The following XRCC4 variants were observed in gnomAD, a reference collection of about 807,000 sequenced individuals.
The protein encoded by XRCC4 is X-ray repair cross complementing 4.
XRCC4 carries 28 observed loss-of-function variants against 39.1 expected under a neutral mutation model. The observed-to-expected ratio is 0.72, with a 90% CI of 0.53 to 0.98. The LOEUF is 0.98. XRCC4 is among the 50% of genes least tolerant of loss of function. The pLI, the probability that XRCC4 is intolerant of heterozygous loss-of-function variation, is 0.00. For missense variants in XRCC4, 350 were observed against 376.4 expected, an observed-to-expected ratio of 0.93 and a Z score of 0.58; for synonymous variants, 123 against 126.4, an observed-to-expected ratio of 0.97 and a Z score of 0.18.
intron 7 of XRCC4, among the ~76,000 whole-genome samples, chr5:83,288,009 A>G (rs1208978062): frequency 6.6e-6 from 1 of 151,730 alleles, no homozygotes; most frequent in African/African-American, 2.4e-5. Context: ...CATGTACTTC[A>G]AAGTGTTGAG....
At chr5:83,095,791 C>T (rs1000779901) in intron 1 of XRCC4, among the ~76,000 whole-genome samples, 3 of 152,046 alleles carry the variant, frequency 2.0e-5, no homozygotes, top group Non-Finnish European at 4.4e-5. Flanking sequence ...GGAGCAGAGA[C>T]TGGGCCCCTT....
chr5:83,083,049 T>C (rs1745024674), intron 1 of XRCC4, among the ~76,000 whole-genome samples: 1 of 152,194 alleles, frequency 6.6e-6, no homozygotes, highest in Non-Finnish European at 1.5e-5. Context: ...GTTGTTCAAA[T>C]GTCACCTTTG....
chr5:83,299,928 T>C (rs1006850083), intron 7 of XRCC4, among the ~76,000 whole-genome samples: 17 of 152,204 alleles, frequency 1.1e-4, no homozygotes, highest in African/African-American at 4.1e-4. Flanking sequence ...CTTTGCCTCT[T>C]TATGAGTGAA....
At position 83,308,986 on chromosome 5, in the gene XRCC4, A is replaced by T. The variant is rs1266025823; in HGVS notation, c.894-44145A>T. Among the ~76,000 whole-genome samples the T allele has an allele frequency of 2.0e-5, 3 of 152,028 alleles. No homozygotes were observed. In the East Asian group the frequency reaches 5.8e-4, roughly 29 times the overall value. ...ATCCTTAGAGAATATCATCCATAGA[A>T]ATATAATTTGCAGCCCAGCACGGTG... On this transcript the variant is annotated intron_variant, in intron 7 of 7. Transcript: ENST00000396027.
At chr5:83,174,919 G>A (rs979799081) in intron 3 of XRCC4, among the ~76,000 whole-genome samples, 3 of 152,230 alleles carry the variant, frequency 2.0e-5, no homozygotes, top group Non-Finnish European at 4.4e-5. Context: ...CAATATATTA[G>A]CATTGTAGGC....
chr5:83,349,120 A>C (rs1455776493), intron 7 of XRCC4, among the ~76,000 whole-genome samples: 1 of 152,030 alleles, frequency 6.6e-6, no homozygotes, highest in Non-Finnish European at 1.5e-5. Flanking sequence ...ACCTCTACTT[A>C]TTACCCAGTT....
chr5:83,265,687 C>G (rs183598486), intron 7 of XRCC4, among the ~76,000 whole-genome samples: 107 of 151,984 alleles, frequency 7.0e-4, no homozygotes, highest in African/African-American at 2.5e-3. Flanking sequence ...AGGACAAAAA[C>G]TTTTTTTTAA....
chr5:83,169,106 ATT>A (rs1230960091), intron 3 of XRCC4, among the ~76,000 whole-genome samples: 19 of 152,220 alleles, frequency 1.2e-4, no homozygotes, highest in Admixed American at 6.5e-4. Flanking sequence ...TAGAGTTAAA[ATT>A]TGCCAAATCT....
intron 2 of XRCC4, among the ~76,000 whole-genome samples, chr5:83,110,775 T>C (rs1746404121): frequency 1.3e-5 from 2 of 152,088 alleles, no homozygotes; most frequent in Non-Finnish European, 2.9e-5. Context: ...ATGCGTTTCA[T>C]CTGAAGACAG....
chr5:83,307,025 C>T (rs387002), intron 7 of XRCC4, among the ~76,000 whole-genome samples: 124,549 of 151,642 alleles, frequency 0.82, 51,396 homozygotes, highest in Non-Finnish European at 0.86. Context: ...GCCTCTACTA[C>T]GCCAGAGTAA....
intron 7 of XRCC4, among the ~76,000 whole-genome samples, chr5:83,300,329 G>A (rs1755235094): frequency 6.6e-6 from 1 of 152,012 alleles, no homozygotes; most frequent in African/African-American, 2.4e-5. Context: ...GTGTATGTAT[G>A]TTCTCTTTCT....
At chr5:83,238,944 A>G (rs2112839925) in intron 6 of XRCC4, among the ~76,000 whole-genome samples, 1 of 152,348 alleles carries the variant, frequency 6.6e-6, no homozygotes, top group South Asian at 2.1e-4. Context: ...GCAGCTCTGA[A>G]GTAGGCTGGT....
Position 83,195,925 on chromosome 5 carries a change from T to C in XRCC4, c.471T>C (p.Asp157=), listed in dbSNP as rs1362886405. The C allele has an allele frequency of 6.8e-6, 11 of 1,609,168 alleles. No individual in the cohort carries two copies. The highest frequency in any genetic ancestry group is 8.5e-6 in the Non-Finnish European group (10 of 1,177,640). The change falls in exon 4 of 8, where the codon GAT becomes GAC. Residue 157 remains aspartate (D), a synonymous_variant. Coordinates refer to ENST00000396027, the MANE Select transcript of XRCC4 (RefSeq NM_003401.5). ...AAAGGCTTCTGAGAGATTGGAATGA[T>C]GTTCAAGGACGGTGTGTACACAGTT... ...ENERLLRDWN[D]VQGRFEKCVS... is the part of the protein sequence containing the mutation.
chr5:83,094,332 C>T (rs1054849923), intron 1 of XRCC4, among the ~76,000 whole-genome samples: 1 of 130,894 alleles, frequency 7.6e-6, no homozygotes, highest in Non-Finnish European at 1.7e-5. Flanking sequence ...CCTCTCCTCC[C>T]CTTCCCTCCG....
rs28360208 is a variant in XRCC4, at chr5:83,241,434, G to T, written c.746-17096G>T. 5.9e-5 allele frequency among the ~76,000 whole-genome samples: 9 copies of T among 152,128 alleles called. No individual in the cohort carries two copies. The East Asian group carries it at 1.7e-3, about 29-fold the overall frequency. ...TGTGTAATGAATATAATATACAAGTGAATTAATTCTGTTAAATAAAATAGT... is the reference window on the plus strand; with the variant it reads ...TGTGTAATGAATATAATATACAAGTTAATTAATTCTGTTAAATAAAATAGT... On this transcript the variant is annotated intron_variant, in intron 6 of 7. Transcript: ENST00000396027.
intron 6 of XRCC4, among the ~76,000 whole-genome samples, chr5:83,223,157 G>C (rs899474873): frequency 1.3e-5 from 2 of 152,152 alleles, no homozygotes; most frequent in African/African-American, 2.4e-5. Context: ...TTCTGCAGCT[G>C]TTGGGTGAAA....
chr5:83,291,638 C>A (rs1754923032), intron 7 of XRCC4, among the ~76,000 whole-genome samples: 1 of 151,782 alleles, frequency 6.6e-6, no homozygotes, highest in Non-Finnish European at 1.5e-5. Context: ...GTGTGCTCTA[C>A]TTCTTTAGGT....
intron 7 of XRCC4, among the ~76,000 whole-genome samples, chr5:83,341,638 T>C (rs1383982697): frequency 6.6e-6 from 1 of 151,944 alleles, no homozygotes; most frequent in African/African-American, 2.4e-5. Flanking sequence ...GGAGTAGAAG[T>C]AAGAGTTAGT....
rs148471567 is a variant in XRCC4, at chr5:83,324,291, C to T, written c.894-28840C>T. ...AACATGAATGTACTGTACACACAAA[C>T]AACTTGATGTCTCACTAAATGAAAG... On this transcript the variant is annotated intron_variant, in intron 7 of 7. Transcript: ENST00000396027. 5.9e-5 allele frequency among the ~76,000 whole-genome samples: 9 copies of T among 152,224 alleles called. No individual in the cohort carries two copies. The East Asian group carries it at 1.7e-3, about 29-fold the overall frequency.
Sources: gnomAD v4.1 joint callset for allele counts (sites outside exome capture counted in the v4.1 genomes callset) on GRCh38, gnomAD v4.1.1 for gene constraint, MANE v1.5 for transcripts, NCBI Gene and HGNC (gene_info 2026-07-23, HGNC 2026-07-21) for gene names.